The following YES1 variants were observed in gnomAD, a reference collection of about 807,000 sequenced individuals.
YES1 encodes YES proto-oncogene 1, Src family tyrosine kinase.
In YES1, 39 loss-of-function variants were observed where a neutral mutation model predicts 70.4. The ratio of observed to expected loss-of-function variants is 0.55; its 90% CI spans 0.43 to 0.72. The LOEUF is 0.72. YES1 is among the 30% of genes least tolerant of loss of function. The pLI, the probability that YES1 is intolerant of heterozygous loss-of-function variation, is 0.00. For synonymous variants in YES1, 198 were observed against 218.6 expected (o/e 0.91, Z 0.83); for missense variants, 495 against 644.8 (o/e 0.77, Z 2.52).
chr18:743,527 G>C (rs550513084), intron 6 of YES1, 112 bp from the exon 7 acceptor site: 46 of 859,924 alleles, frequency 5.3e-5, no homozygotes, highest in Non-Finnish European at 7.4e-5. Context: ...AAGTCCTTTC[G>C]AGTTTTACTC....
chr18:793,034 T>C (rs1365115278), intron 1 of YES1, among the ~76,000 whole-genome samples: 1 of 150,178 alleles, frequency 6.7e-6, no homozygotes, highest in East Asian at 2.0e-4. Context: ...ATAATTATTA[T>C]TATTATTGGT....
intron 6 of YES1, among the ~76,000 whole-genome samples, chr18:743,980 A>G (rs2080247944): frequency 6.7e-6 from 1 of 149,532 alleles, no homozygotes; most frequent in Non-Finnish European, 1.5e-5. Flanking sequence ...TATATAGTAA[A>G]TATATTGTAT....
chr18:751,581 T>TAA, intron 3 of YES1, 124 bp downstream of exon 3: 1 of 655,116 alleles, frequency 1.5e-6, no homozygotes, highest in Non-Finnish European at 2.7e-6. Flanking sequence ...AATGCATCGT[T>TAA]AAACACAGTG....
chr18:726,406 C>T (rs532631501), intron 11 of YES1, among the ~76,000 whole-genome samples: 117 of 151,712 alleles, frequency 7.7e-4, no homozygotes, highest in Non-Finnish European at 1.3e-3. Flanking sequence ...GCCTGGGTGA[C>T]AGAGTGGGAC....
At chr18:764,277 C>T (rs763626061) in intron 1 of YES1, among the ~76,000 whole-genome samples, 3 of 152,130 alleles carry the variant, frequency 2.0e-5, no homozygotes, top group Admixed American at 6.5e-5. Context: ...GGCTAGAGCA[C>T]AATGGTACAA....
chr18:805,633 T>C (rs1907059361), intron 1 of YES1, among the ~76,000 whole-genome samples: 1 of 152,216 alleles, frequency 6.6e-6, no homozygotes, highest in African/African-American at 2.4e-5. Context: ...ATCTAGATAG[T>C]GTTAGTGCTC....
chr18:774,498 A>C (rs572600), intron 1 of YES1, among the ~76,000 whole-genome samples: 1 of 152,166 alleles, frequency 6.6e-6, no homozygotes, highest in Non-Finnish European at 1.5e-5. Context: ...ATCTTCCCCA[A>C]CTCGATAAAT....
chr18:781,269 C>CAAAAAAAAAAAAAA (rs1167805094), intron 1 of YES1, among the ~76,000 whole-genome samples: 1 of 101,402 alleles, frequency 9.9e-6, no homozygotes, highest in African/African-American at 3.6e-5. Context: ...AACTCTGTCT[C>CAAAAAAAAAAAAAA]AAAAAAAAAA....
intron 1 of YES1, among the ~76,000 whole-genome samples, chr18:776,703 T>C (rs565768971): frequency 2.0e-5 from 3 of 152,312 alleles, no homozygotes; most frequent in Admixed American, 2.0e-4. Context: ...ATCCTAATCA[T>C]ACCCGTTTCT....
At chr18:810,203 GA>G in intron 1 of YES1, among the ~76,000 whole-genome samples, 1 of 152,164 alleles carries the variant, frequency 6.6e-6, no homozygotes, top group Middle Eastern at 3.4e-3. Context: ...TTTCAACTTT[GA>G]ATAAGTAAGT....
chr18:794,554 C>T (rs1411086263), intron 1 of YES1, among the ~76,000 whole-genome samples: 1 of 152,034 alleles, frequency 6.6e-6, no homozygotes, highest in Non-Finnish European at 1.5e-5. Flanking sequence ...CCTCCTAGGG[C>T]TGCTGTAGAA....
intron 1 of YES1, among the ~76,000 whole-genome samples, chr18:801,156 AAAAAT>A (rs1394638841): frequency 6.6e-6 from 1 of 152,002 alleles, no homozygotes; most frequent in African/African-American, 2.4e-5. Context: ...AAAAAAATAT[AAAAAT>A]AAAAAATAAA....
intron 1 of YES1, among the ~76,000 whole-genome samples, chr18:764,339 C>A (rs368045451): frequency 6.6e-6 from 1 of 152,162 alleles, no homozygotes; most frequent in African/African-American, 2.4e-5. Flanking sequence ...TCTCCTGACT[C>A]AGCCTCCCAA....
At chr18:806,564 A>C (rs1907109666) in intron 1 of YES1, among the ~76,000 whole-genome samples, 1 of 152,220 alleles carries the variant, frequency 6.6e-6, no homozygotes, top group South Asian at 2.1e-4. Flanking sequence ...CCCTACATAC[A>C]ATTCAGAATT....
intron 1 of YES1, among the ~76,000 whole-genome samples, chr18:789,416 C>A (rs1906126738): frequency 6.6e-6 from 1 of 151,778 alleles, no homozygotes; most frequent in African/African-American, 2.4e-5. Context: ...AATCCTGTCT[C>A]TACAGAAAAT....
rs1568177880 is a variant in YES1, at chr18:722,183, A to G, written c.*2241T>C. On this transcript the variant is annotated 3_prime_UTR_variant, in exon 12 of 12. Transcript: ENST00000314574. ...ATGCTTAGAAAAATTACAATATCAT[A>G]GTTCACATAAAGCCCTTAAAAAATC... 6.5e-6 allele frequency: 1 copy of G among 152,674 alleles called. No individual in the cohort carries two copies. Among genetic ancestry groups the G allele is most frequent in the Non-Finnish European group, 1.5e-5 (1 of 68,044 alleles). The allele number at this position is 152,674 out of a possible 1,614,324, so 9.5% of individuals were successfully genotyped here. A position where few individuals can be genotyped will look rare whatever the true frequency, so the allele number is the denominator to read the frequency against.
intron 1 of YES1, among the ~76,000 whole-genome samples, chr18:802,459 G>A (rs1598947915): frequency 6.7e-6 from 1 of 150,210 alleles, no homozygotes; most frequent in East Asian, 2.0e-4. Context: ...CAGAAGAATC[G>A]CTTGAACCTG....
Position 754,621 on chromosome 18 carries a change from G to A in YES1, c.271+1936C>T, listed in dbSNP as rs560649561. Among the ~76,000 whole-genome samples the A allele has an allele frequency of 1.3e-4, 19 of 151,282 alleles. 1 individual carries two copies. Among genetic ancestry groups the A allele is most frequent in the South Asian group, 1.0e-3 (5 of 4,786 alleles). ...AGCTACTCGGGAGGCTAAGGCAAGA[G>A]AATGGCTTGAACCTGGGAGGCAGAA... On this transcript the variant is annotated intron_variant, in intron 2 of 11. Coordinates refer to ENST00000314574, the MANE Select transcript of YES1 (RefSeq NM_005433.4).
intron 3 of YES1, 23 bp downstream of exon 3, chr18:751,682 C>T: frequency 7.0e-7 from 1 of 1,438,378 alleles, no homozygotes; most frequent in Non-Finnish European, 9.7e-7. Context: ...GTATTTCTCT[C>T]ACAAAATATT....
Sources: allele counts gnomAD v4.1 joint callset (sites outside exome capture counted in the v4.1 genomes callset), GRCh38; gene constraint gnomAD v4.1.1; transcripts MANE v1.5; gene names NCBI Gene and HGNC (gene_info 2026-07-23, HGNC 2026-07-21).